Variants in RGS7 observed in about 807,000 individuals in gnomAD.
The protein encoded by RGS7 is regulator of G protein signaling 7.
RGS7 carries 27 observed loss-of-function variants against 81.1 expected under a neutral mutation model. The ratio of observed to expected loss-of-function variants is 0.33; its 90% CI spans 0.25 to 0.46. RGS7 has a LOEUF of 0.46. Among genes scored for constraint, RGS7 ranks in the 20% least tolerant of loss-of-function variants. The pLI is 1.00. For synonymous variants in RGS7, 208 were observed against 207.7 expected (o/e 1.00, Z -0.01); for missense variants, 396 against 607.4 (o/e 0.65, Z 3.66).
chr1:241,085,114 T>A (rs2063356616), intron 3 of RGS7, among the ~76,000 whole-genome samples: 1 of 152,214 alleles, frequency 6.6e-6, no homozygotes, highest in African/African-American at 2.4e-5. Flanking sequence ...GAATTCTGGT[T>A]TCTTTTCTGC....
intron 2 of RGS7, among the ~76,000 whole-genome samples, chr1:241,151,501 C>T (rs2068746739): frequency 6.6e-6 from 1 of 150,484 alleles, no homozygotes; most frequent in Non-Finnish European, 1.5e-5. Context: ...GAGAAACACT[C>T]AACTCTGTCA....
intron 2 of RGS7, among the ~76,000 whole-genome samples, chr1:241,320,991 A>T (rs1207303184): frequency 1.3e-5 from 2 of 152,196 alleles, no homozygotes; most frequent in African/African-American, 2.4e-5. Context: ...AAAATAACAA[A>T]ATCTGCTGTT....
At chr1:241,267,014 T>C (rs562031939) in intron 2 of RGS7, among the ~76,000 whole-genome samples, 7 of 152,340 alleles carry the variant, frequency 4.6e-5, no homozygotes, top group South Asian at 4.1e-4. Context: ...AGTGCTTTAC[T>C]AGTCCTACAA....
At chr1:241,075,700 A>G (rs1419300770) in intron 3 of RGS7, among the ~76,000 whole-genome samples, 1 of 152,220 alleles carries the variant, frequency 6.6e-6, no homozygotes, top group Non-Finnish European at 1.5e-5. Context: ...CCTGTGGGCC[A>G]TGGGTTGGAC....
At chr1:241,269,125 C>G (rs1217803528) in intron 2 of RGS7, among the ~76,000 whole-genome samples, 1 of 152,206 alleles carries the variant, frequency 6.6e-6, no homozygotes, top group Non-Finnish European at 1.5e-5. Flanking sequence ...CTCAGATCAA[C>G]TATCTCATGC....
At chr1:241,000,492 T>G (rs1196409078) in intron 3 of RGS7, among the ~76,000 whole-genome samples, 2 of 152,212 alleles carry the variant, frequency 1.3e-5, no homozygotes, top group East Asian at 3.8e-4. Flanking sequence ...AGGAAATATT[T>G]TAAGTCTCCT....
chr1:241,072,982 C>T (rs1264413097), intron 3 of RGS7, among the ~76,000 whole-genome samples: 1 of 152,108 alleles, frequency 6.6e-6, no homozygotes, highest in East Asian at 1.9e-4. Flanking sequence ...ATCTAGCTTC[C>T]TCTAGATCCA....
At chr1:241,106,127 C>T (rs1226859694) in intron 2 of RGS7, among the ~76,000 whole-genome samples, 1 of 152,144 alleles carries the variant, frequency 6.6e-6, no homozygotes, top group African/African-American at 2.4e-5. Context: ...TCAGTGAAAA[C>T]AGAGAAAGTA....
At chr1:241,005,814 C>G (rs1328822074) in intron 3 of RGS7, among the ~76,000 whole-genome samples, 2 of 152,166 alleles carry the variant, frequency 1.3e-5, no homozygotes, top group African/African-American at 4.8e-5. Flanking sequence ...AGATTACAGG[C>G]GTGAGCCACC....
intron 4 of RGS7, among the ~76,000 whole-genome samples, chr1:240,938,904 A>T (rs1405416483): frequency 6.6e-6 from 1 of 151,916 alleles, no homozygotes; most frequent in Non-Finnish European, 1.5e-5. Flanking sequence ...CAAAGCATGC[A>T]TTGCTCATAG....
At chr1:241,218,951 T>C (rs189984825) in intron 2 of RGS7, among the ~76,000 whole-genome samples, 7 of 152,172 alleles carry the variant, frequency 4.6e-5, no homozygotes, top group African/African-American at 1.4e-4. Flanking sequence ...TTGAGAACCA[T>C]TGGCTAAGAA....
At chr1:241,096,906 C>T (rs1037760847) in intron 3 of RGS7, among the ~76,000 whole-genome samples, 1 of 152,042 alleles carries the variant, frequency 6.6e-6, no homozygotes, top group Non-Finnish European at 1.5e-5. Context: ...AGGATGGCAA[C>T]GTAGTGCATT....
At chr1:240,829,586 A>G (rs1693458407) in intron 9 of RGS7, among the ~76,000 whole-genome samples, 1 of 152,160 alleles carries the variant, frequency 6.6e-6, no homozygotes, top group South Asian at 2.1e-4. Flanking sequence ...AGCCTGAGCC[A>G]TAACGGAAGG....
At chr1:241,313,633 C>G (rs1412533008) in intron 2 of RGS7, among the ~76,000 whole-genome samples, 2 of 152,114 alleles carry the variant, frequency 1.3e-5, no homozygotes, top group Admixed American at 6.5e-5. Flanking sequence ...TTAAGTCTTA[C>G]AAGTTAAAAA....
At chr1:241,327,564 C>T in intron 2 of RGS7, among the ~76,000 whole-genome samples, 1 of 152,144 alleles carries the variant, frequency 6.6e-6, no homozygotes, top group Non-Finnish European at 1.5e-5. Flanking sequence ...GTAGCAGCAT[C>T]AAGAACTAGA....
chr1:241,305,295 C>T (rs1299037803), intron 2 of RGS7, among the ~76,000 whole-genome samples: 1 of 152,172 alleles, frequency 6.6e-6, no homozygotes, highest in Admixed American at 6.5e-5. Context: ...ATTCTGAACT[C>T]CACATCATAT....
chr1:241,302,096 A>G (rs2079795902), intron 2 of RGS7, among the ~76,000 whole-genome samples: 1 of 152,180 alleles, frequency 6.6e-6, no homozygotes, highest in Non-Finnish European at 1.5e-5. Context: ...AAAGTGAGGA[A>G]GTAATATTCA....
chr1:241,012,715 G>A (rs2059018876), intron 3 of RGS7, among the ~76,000 whole-genome samples: 1 of 152,158 alleles, frequency 6.6e-6, no homozygotes, highest in African/African-American at 2.4e-5. Context: ...ATTTGCATCT[G>A]TAGAGAAAAT....
intron 2 of RGS7, among the ~76,000 whole-genome samples, chr1:241,341,868 C>CTA (rs2082570568): frequency 7.3e-6 from 1 of 136,842 alleles, no homozygotes; most frequent in South Asian, 2.5e-4. Context: ...CACTCTTCAA[C>CTA]TCTTTTTTTT....
Sources: allele counts gnomAD v4.1 joint callset (sites outside exome capture counted in the v4.1 genomes callset), GRCh38; gene constraint gnomAD v4.1.1; transcripts MANE v1.5; gene names NCBI Gene and HGNC (gene_info 2026-07-23, HGNC 2026-07-21).